Variants in LZTS1 observed in about 807,000 individuals in gnomAD.
LZTS1 encodes the protein leucine zipper putative tumor suppressor 1.
LZTS1 carries 31 observed loss-of-function variants against 45.8 expected under a neutral mutation model. The ratio of observed to expected loss-of-function variants is 0.68; its 90% CI spans 0.51 to 0.91. The LOEUF is 0.91. Ranked by LOEUF, LZTS1 falls within the 40% of genes least tolerant of loss-of-function variation. The pLI is 0.00. For missense variants in LZTS1, 821 were observed against 788.9 expected, an observed-to-expected ratio of 1.04 and a Z score of -0.49; for synonymous variants, 359 against 357.3, an observed-to-expected ratio of 1.00 and a Z score of -0.05.
chr8:20,251,559 G>A (rs899297866), intron 3 of LZTS1, among the ~76,000 whole-genome samples: 1 of 152,130 alleles, frequency 6.6e-6, no homozygotes, highest in East Asian at 1.9e-4. Context: ...GACCCCAGAT[G>A]GCCAAGATCC....
intron 1 of LZTS1, among the ~76,000 whole-genome samples, chr8:20,291,654 T>A (rs750916584): frequency 6.6e-6 from 1 of 151,776 alleles, no homozygotes; most frequent in Non-Finnish European, 1.5e-5. Context: ...AAAGTAAAGA[T>A]TGCCTTGCTG....
At chr8:20,251,688 G>A (rs749612334) in intron 3 of LZTS1, among the ~76,000 whole-genome samples, 6 of 152,128 alleles carry the variant, frequency 3.9e-5, no homozygotes, top group African/African-American at 9.7e-5. Flanking sequence ...ATGATTCCTC[G>A]TTTGACAGAT....
intron 1 of LZTS1, among the ~76,000 whole-genome samples, chr8:20,276,393 A>G (rs1366412675): frequency 6.6e-6 from 1 of 152,140 alleles, no homozygotes; most frequent in Non-Finnish European, 1.5e-5. Context: ...GTTGATCACC[A>G]ATGGCCAATG....
chr8:20,290,947 T>A (rs549300272), intron 1 of LZTS1, among the ~76,000 whole-genome samples: 1 of 152,128 alleles, frequency 6.6e-6, no homozygotes, highest in Admixed American at 6.5e-5. Flanking sequence ...GTGGGGTCCT[T>A]CCCGAGGGAG....
chr8:20,255,076 G>C lies in LZTS1; in HGVS notation c.106C>G (p.Arg36Gly). 6.2e-7 allele frequency: 1 copy of C among 1,614,204 alleles called. No homozygotes were observed. The highest frequency in any genetic ancestry group is 8.5e-7 in the Non-Finnish European group (1 of 1,180,038). The change falls in exon 2 of 4, where the codon CGG (arginine) becomes GGG (glycine). Residue 36 changes from arginine (R) to glycine (G), a missense_variant. By Grantham distance (125) the Arg-to-Gly change is moderately radical. Coordinates refer to ENST00000381569, the MANE Select transcript of LZTS1 (RefSeq NM_021020.5). ...AACCTCAGCAGCCCGTCGGAATACCGGTTGAGCTTCTTGAGGTGGGAGGAC... is the reference window on the plus strand; with the variant it reads ...AACCTCAGCAGCCCGTCGGAATACCCGTTGAGCTTCTTGAGGTGGGAGGAC... Reference protein sequence around the residue: ...RKSSHLKKLNRYSDGLLRFGF... With the variant: ...RKSSHLKKLNGYSDGLLRFGF...
chr8:20,291,316 T>A (rs1800897884), intron 1 of LZTS1, among the ~76,000 whole-genome samples: 2 of 152,156 alleles, frequency 1.3e-5, no homozygotes, highest in Non-Finnish European at 2.9e-5. Flanking sequence ...TGTCCCTCCC[T>A]GACCCCCTGG....
intron 1 of LZTS1, among the ~76,000 whole-genome samples, chr8:20,284,066 A>G (rs1290858138): frequency 6.6e-6 from 1 of 152,136 alleles, no homozygotes; most frequent in Non-Finnish European, 1.5e-5. Flanking sequence ...CCTGGACTTG[A>G]ACTTGCTCTG....
chr8:20,276,350 A>G (rs193001940), intron 1 of LZTS1, among the ~76,000 whole-genome samples: 1 of 151,918 alleles, frequency 6.6e-6, no homozygotes, highest in African/African-American at 2.4e-5. Context: ...ACTGCCCCTA[A>G]CCTCTGGGGA....
At position 20,292,906 on chromosome 8, in the gene LZTS1, C is replaced by T. The variant is rs371773443; in HGVS notation, c.-135+10834G>A. 3.8e-4 allele frequency among the ~76,000 whole-genome samples: 58 copies of T among 152,218 alleles called. No homozygotes were observed. In the South Asian group the frequency reaches 4.2e-3, roughly 11 times the overall value. On this transcript the variant is annotated intron_variant, in intron 1 of 3. Coordinates refer to ENST00000381569, the MANE Select transcript of LZTS1 (RefSeq NM_021020.5). Reference sequence around the variant, plus strand: ...CTCTGGGCCTCTATGTCTTCATCTACGTAAAAAATAAAAGCCCTCTGTGAT... The same window carrying T: ...CTCTGGGCCTCTATGTCTTCATCTATGTAAAAAATAAAAGCCCTCTGTGAT...
intron 1 of LZTS1, among the ~76,000 whole-genome samples, chr8:20,258,368 T>G (rs1585281829): frequency 6.6e-6 from 1 of 152,140 alleles, no homozygotes; most frequent in East Asian, 1.9e-4. Context: ...TGACTCTGTT[T>G]TTTAATTTTA....
rs1257578201 is a variant in LZTS1, at chr8:20,246,240, A to G, written c.*3482T>C. On this transcript the variant is annotated 3_prime_UTR_variant, in exon 4 of 4. Coordinates refer to ENST00000381569, the MANE Select transcript of LZTS1 (RefSeq NM_021020.5). ...TGCCACAAATAGTTTACATGGCCAA[A>G]AAGTGACGTCAAAAATAAAATGAAG... The G allele has an allele frequency of 6.5e-6, 1 of 152,694 alleles. No homozygotes were observed. Among genetic ancestry groups the G allele is most frequent in the Non-Finnish European group, 1.5e-5 (1 of 68,054 alleles). The allele number at this position is 152,694 out of a possible 1,614,324, so 9.5% of individuals were successfully genotyped here. A position where few individuals can be genotyped will look rare whatever the true frequency, so the allele number is the denominator to read the frequency against.
chr8:20,250,963 C>A (rs1005133908), intron 3 of LZTS1, among the ~76,000 whole-genome samples: 1 of 151,304 alleles, frequency 6.6e-6, no homozygotes, highest in South Asian at 2.1e-4. Context: ...AAGTGCCAAG[C>A]CATACATTTG....
rs1799790177 is a variant in LZTS1, at chr8:20,248,307, A to C, written c.*1415T>G. On this transcript the variant is annotated 3_prime_UTR_variant, in exon 4 of 4. Transcript: ENST00000381569. Reference sequence around the variant, plus strand: ...TGCACTCCAGCCTGGGGGACAGAGCAAGACCCTGTCTCATAAAATTAAAAA... The same window carrying C: ...TGCACTCCAGCCTGGGGGACAGAGCCAGACCCTGTCTCATAAAATTAAAAA... The C allele has an allele frequency of 6.6e-6, 1 of 152,372 alleles. No homozygotes were observed. Among genetic ancestry groups the C allele is most frequent in the Admixed American group, 6.5e-5 (1 of 15,272 alleles). 9.4% of individuals were successfully genotyped at this position (152,372 alleles called of 1,614,324 possible).
At position 20,248,590 on chromosome 8, in the gene LZTS1, T is replaced by G. The variant is rs1799799090; in HGVS notation, c.*1132A>C. On this transcript the variant is annotated 3_prime_UTR_variant, in exon 4 of 4. Coordinates refer to ENST00000381569, the MANE Select transcript of LZTS1 (RefSeq NM_021020.5). ...CGTCCTGCTTGGGGCTCTGGCTTCC[T>G]GGCGCTCTGAGGAGCCGTCCTGACC... 6.6e-6 allele frequency: 1 copy of G among 152,260 alleles called. No individual in the cohort carries two copies. The highest frequency in any genetic ancestry group is 6.6e-5 in the Admixed American group (1 of 15,258). 9.4% of individuals were successfully genotyped at this position (152,260 alleles called of 1,614,324 possible).
Position 20,249,704 on chromosome 8 carries a change from G to A in LZTS1, c.*18C>T, listed in dbSNP as rs761206435. On this transcript the variant is annotated 3_prime_UTR_variant, in exon 4 of 4. Coordinates refer to ENST00000381569, the MANE Select transcript of LZTS1 (RefSeq NM_021020.5). ...CTCCCAGTGCCAGGTCCCCAGACTC[G>A]CCTTCCCAGGCAGCCCCTCAGATCT... 143 of 1,583,324 alleles carry A rather than the reference G, an allele frequency of 9.0e-5. No homozygotes were observed. The highest frequency in any genetic ancestry group is 1.2e-4 in the Admixed American group (7 of 59,108).
intron 3 of LZTS1, among the ~76,000 whole-genome samples, chr8:20,251,642 G>A (rs1585274021): frequency 6.6e-6 from 1 of 152,144 alleles, no homozygotes; most frequent in South Asian, 2.1e-4. Flanking sequence ...GGGGGATAGG[G>A]GTGGAAATAG....
At chr8:20,299,944 A>G (rs577008220) in intron 1 of LZTS1, among the ~76,000 whole-genome samples, 2 of 152,340 alleles carry the variant, frequency 1.3e-5, no homozygotes, top group South Asian at 4.1e-4. Flanking sequence ...ACATCTCATC[A>G]TTGCCCTGGA....
chr8:20,267,343 A>AGGGC (rs1011045205), intron 1 of LZTS1, among the ~76,000 whole-genome samples: 13 of 151,880 alleles, frequency 8.6e-5, no homozygotes, highest in Admixed American at 5.3e-4. Context: ...TTGGGGTAGG[A>AGGGC]GGGCGGTGCT....
At chr8:20,271,004 T>C (rs989030900) in intron 1 of LZTS1, among the ~76,000 whole-genome samples, 2 of 152,064 alleles carry the variant, frequency 1.3e-5, no homozygotes, top group African/African-American at 4.8e-5. Flanking sequence ...GAGTTTAACC[T>C]GGTCCCTCAG....
Sources: allele counts gnomAD v4.1 joint callset (sites outside exome capture counted in the v4.1 genomes callset), GRCh38; gene constraint gnomAD v4.1.1; transcripts MANE v1.5; gene names NCBI Gene and HGNC (gene_info 2026-07-23, HGNC 2026-07-21).